ADGRA3: variants seen among roughly 807,000 people sequenced by gnomAD.
ADGRA3 encodes the protein adhesion G protein-coupled receptor A3.
Under a neutral mutation model 119.8 loss-of-function variants are expected in ADGRA3, and 56 were observed. The ratio of observed to expected loss-of-function variants is 0.47; its 90% CI spans 0.38 to 0.58. ADGRA3 has a LOEUF of 0.58. Among genes scored for constraint, ADGRA3 ranks in the 20% least tolerant of loss-of-function variants. ADGRA3 has a pLI of 0.00. For synonymous variants in ADGRA3, 607 were observed against 623.8 expected (o/e 0.97, Z 0.40); for missense variants, 1,516 against 1,649.0 (o/e 0.92, Z 1.40).
chr4:22,446,703 G>A (rs1429304237), intron 5 of ADGRA3, among the ~76,000 whole-genome samples: 1 of 151,872 alleles, frequency 6.6e-6, no homozygotes, highest in African/African-American at 2.4e-5. Context: ...AGGGAAGAGA[G>A]GAATCAGGAG....
intron 4 of ADGRA3, among the ~76,000 whole-genome samples, chr4:22,449,984 C>T (rs970324607): frequency 2.0e-4 from 30 of 152,108 alleles, no homozygotes; most frequent in African/African-American, 5.8e-4. Flanking sequence ...TAAATCCCAA[C>T]GCAAACCAAT....
At position 22,392,565 on chromosome 4, in the gene ADGRA3, A is replaced by G; in HGVS notation, c.2607T>C (p.Pro869=). ...GATACCTGAGCATTGGTCTTGGTGG[A>G]GGTGGTGGTTCATCAGGATCCTGGC... ...KRCQDPDEPP[P]PPRPMLRFYL... Residue 869 remains proline, a synonymous_variant, in exon 17 of 19, where the codon CCT becomes CCC. Transcript: ENST00000334304. 1.9e-6 allele frequency: 3 copies of G among 1,613,938 alleles called. No individual in the cohort carries two copies. The highest frequency in any genetic ancestry group is 2.5e-6 in the Non-Finnish European group (3 of 1,179,884).
chr4:22,414,577 C>T, intron 12 of ADGRA3: 1 of 697,222 alleles, frequency 1.4e-6, no homozygotes, highest in South Asian at 1.5e-5. Context: ...AACCTCTCTT[C>T]TTCTAATTCC....
chr4:22,477,631 C>T lies in ADGRA3; in HGVS notation c.258-3788G>A, dbSNP rs1302917356. On this transcript the variant is annotated intron_variant, in intron 1 of 18. Coordinates refer to ENST00000334304, the MANE Select transcript of ADGRA3 (RefSeq NM_145290.4). Reference sequence around the variant, plus strand: ...TGGCTGAATTACACTCACTGCAATTCCAGAATGCTTCGGCCAAAGGACTGT... The same window carrying T: ...TGGCTGAATTACACTCACTGCAATTTCAGAATGCTTCGGCCAAAGGACTGT... 7 of 152,230 alleles carry T rather than the reference C, an allele frequency of 4.6e-5. No individual in the cohort carries two copies. In the East Asian group the frequency reaches 1.4e-3, roughly 29 times the overall value. The allele number at this position is 152,230 out of a possible 1,614,324, so 9.4% of individuals were successfully genotyped here. A position where few individuals can be genotyped will look rare whatever the true frequency, so the allele number is the denominator to read the frequency against.
chr4:22,413,222 G>T lies in ADGRA3; in HGVS notation c.2192C>A (p.Thr731Lys), dbSNP rs1421290700. Residue 731 changes from threonine (T) to lysine (K), a missense_variant, in exon 14 of 19, where the codon ACG becomes AAG. Thr to Lys is a moderately conservative substitution (Grantham distance 78). Around this residue, in one of 2 missense-constraint regions of ADGRA3, gnomAD observed 1,088 missense variants for 1,107.1 expected, o/e 0.98. Coordinates refer to ENST00000334304, the MANE Select transcript of ADGRA3 (RefSeq NM_145290.4). ...GTTACTAAGGGAGTAGCACTGAATC[G>T]TAGTGATATTTTCATCTGAATAGAG... ...HILYSDENITTIQCYSLSNYA... is the reference protein window; with the variant it reads ...HILYSDENITKIQCYSLSNYA... The T allele has an allele frequency of 5.0e-6, 8 of 1,613,902 alleles. No homozygotes were observed. Among genetic ancestry groups the T allele is most frequent in the Non-Finnish European group, 6.8e-6 (8 of 1,179,860 alleles).
intron 12 of ADGRA3, among the ~76,000 whole-genome samples, chr4:22,417,330 A>G (rs1403552789): frequency 6.6e-6 from 1 of 152,186 alleles, no homozygotes; most frequent in Admixed American, 6.6e-5. Flanking sequence ...GCAATAAATA[A>G]GCTGTGGTCC....
At chr4:22,408,186 G>A (rs80089641) in intron 14 of ADGRA3, among the ~76,000 whole-genome samples, 3,353 of 151,768 alleles carry the variant, frequency 0.022, 122 homozygotes, top group African/African-American at 0.077. Context: ...AAATATAAAA[G>A]GTAAAACATA....
In ADGRA3 at chr4:22,445,089, C is replaced by T; in HGVS notation, c.590G>A (p.Trp197Ter). ...CTTCTCCTTTACCCAGCGATGCATCCACAGTATGTTACAGTCACACAAAAG... is the reference window on the plus strand; with the variant it reads ...CTTCTCCTTTACCCAGCGATGCATCTACAGTATGTTACAGTCACACAAAAG... Reference protein sequence around the residue: ...EYLLCDCNILWMHRWVKEKNI... With the variant: ...EYLLCDCNIL The change falls in exon 6 of 19, where the codon TGG (tryptophan) becomes TAG (stop). Residue 197 changes from tryptophan (W) to a stop codon, truncating the protein, a stop_gained. Transcript: ENST00000334304. LOFTEE classifies it high-confidence loss of function. 6.2e-7 allele frequency: 1 copy of T among 1,613,922 alleles called. No homozygotes were observed. Among genetic ancestry groups the T allele is most frequent in the African/African-American group, 1.3e-5 (1 of 75,002 alleles).
intron 14 of ADGRA3, 107 bp downstream of exon 14, chr4:22,413,075 T>TAAAAAAAAAAAAAAAAAA (rs74406494): frequency 1.9e-5 from 14 of 727,972 alleles, no homozygotes; most frequent in South Asian, 9.7e-5. Context: ...ATGTTAAAAG[T>TAAAAAAAAAAAAAAAAAA]AAAAAAAAAA....
rs1011053256 is a variant in ADGRA3, at chr4:22,515,376, T to G, written c.257+152A>C. 4.8e-5 allele frequency: 42 copies of G among 873,262 alleles called. No homozygotes were observed. The African/African-American group carries it at 6.2e-4, about 13-fold the overall frequency. 54.1% of individuals were successfully genotyped at this position (873,262 alleles called of 1,614,324 possible). ...CTTGCCTTTCCCTGAACTGCACCCA[T>G]GCCAAGCACACGAGGTCTTTCCTAG... On this transcript the variant is annotated intron_variant, in intron 1 of 18. Coordinates refer to ENST00000334304, the MANE Select transcript of ADGRA3 (RefSeq NM_145290.4).
intron 16 of ADGRA3, among the ~76,000 whole-genome samples, chr4:22,397,257 C>T (rs181289513): frequency 3.4e-5 from 5 of 147,920 alleles, no homozygotes; most frequent in Non-Finnish European, 1.5e-5. Context: ...TCTCGGCTCA[C>T]TGCAACCTCT....
intron 1 of ADGRA3, among the ~76,000 whole-genome samples, chr4:22,475,205 T>C (rs1195224018): frequency 6.6e-6 from 1 of 152,186 alleles, no homozygotes; most frequent in African/African-American, 2.4e-5. Context: ...AGTTCCATTA[T>C]TGATAAAATG....
rs780809068 is a variant in ADGRA3 at position 22,421,036 on chromosome 4, C to G, written c.1659G>C (p.Thr553=). 10 of 1,613,966 alleles carry G rather than the reference C, an allele frequency of 6.2e-6. No homozygotes were observed. In the East Asian group the frequency reaches 2.2e-4, roughly 36 times the overall value. ...TCTGGAACACGGTACAGGTCATCCC[C>G]GTGAAGCCAGTAGACTTGATGACAT... The part of the protein sequence containing the change: ...EAYVIKSTGF[T]GMTCTVFQKV... Residue 553 remains threonine (T), a synonymous_variant, in exon 12 of 19, where the codon ACG becomes ACC. Coordinates refer to ENST00000334304, the MANE Select transcript of ADGRA3 (RefSeq NM_145290.4).
chr4:22,449,064 AGTT>A (rs1237642705), intron 4 of ADGRA3, among the ~76,000 whole-genome samples: 1 of 151,988 alleles, frequency 6.6e-6, no homozygotes, highest in African/African-American at 2.4e-5. Context: ...TGAGGTCGGG[AGTT>A]TGAGACCAGC....
intron 8 of ADGRA3, 113 bp downstream of exon 8, chr4:22,438,143 C>T: frequency 1.3e-6 from 1 of 746,624 alleles, no homozygotes. Context: ...AGTCCTCAGA[C>T]ATGTGCAGTT....
At chr4:22,403,862 A>T (rs906370559) in intron 14 of ADGRA3, among the ~76,000 whole-genome samples, 2 of 152,248 alleles carry the variant, frequency 1.3e-5, no homozygotes, top group African/African-American at 2.4e-5. Flanking sequence ...TGTATGAGGT[A>T]AGTATGTTAT....
chr4:22,456,306 G>A (rs1023002296), intron 3 of ADGRA3, among the ~76,000 whole-genome samples: 20 of 152,148 alleles, frequency 1.3e-4, no homozygotes, highest in African/African-American at 3.6e-4. Context: ...CTGTGAGGGC[G>A]TTTCCAGGGG....
chr4:22,412,593 C>A (rs1715251528), intron 14 of ADGRA3, among the ~76,000 whole-genome samples: 1 of 152,136 alleles, frequency 6.6e-6, no homozygotes, highest in Non-Finnish European at 1.5e-5. Flanking sequence ...TAGTCCCAAG[C>A]ATCTCAGATA....
chr4:22,495,199 G>A (rs542407874), intron 1 of ADGRA3, among the ~76,000 whole-genome samples: 2 of 152,032 alleles, frequency 1.3e-5, no homozygotes, highest in East Asian at 3.9e-4. Context: ...GGATACCTTG[G>A]ACAAAGGTCT....
Sources: allele counts gnomAD v4.1 joint callset (sites outside exome capture counted in the v4.1 genomes callset), GRCh38; gene constraint gnomAD v4.1.1; regional missense constraint gnomAD v4.1.1; transcripts MANE v1.5; gene names NCBI Gene and HGNC (gene_info 2026-07-23, HGNC 2026-07-21).